Variants in EFCAB13 observed in about 807,000 individuals in gnomAD.
EFCAB13 encodes the protein EF-hand calcium binding domain 13, also known as EF-hand calcium-binding domain-containing protein 13.
EFCAB13 carries 91 observed loss-of-function variants against 110.2 expected under a neutral mutation model. The observed-to-expected ratio is 0.83, with a 90% confidence interval of 0.70 to 0.98. The LOEUF is 0.98. EFCAB13 is among the 50% of genes least tolerant of loss of function. EFCAB13 has a pLI of 0.00. For missense variants in EFCAB13, 968 were observed against 1,119.4 expected, an observed-to-expected ratio of 0.86 and a Z score of 1.93; for synonymous variants, 323 against 369.9, an observed-to-expected ratio of 0.87 and a Z score of 1.45.
chr17:47,398,792 A>G (rs1360243298), intron 17 of EFCAB13, among the ~76,000 whole-genome samples: 2 of 151,616 alleles, frequency 1.3e-5, no homozygotes, highest in African/African-American at 4.8e-5. Context: ...TGCCTCCACT[A>G]TTGTCCTATG....
intron 5 of EFCAB13, among the ~76,000 whole-genome samples, chr17:47,337,993 T>C (rs1013975333): frequency 9.2e-5 from 14 of 152,246 alleles, no homozygotes; most frequent in Admixed American, 2.0e-4. Context: ...CTCATTTTAA[T>C]GCCTCTTTGG....
At chr17:47,346,256 A>T (rs75111078) in intron 8 of EFCAB13, among the ~76,000 whole-genome samples, 4,840 of 152,150 alleles carry the variant, frequency 0.032, 272 homozygotes, top group African/African-American at 0.11. Flanking sequence ...TTGTTCCATA[A>T]GTTTGACTAT....
rs1475497352 is a variant in EFCAB13 at position 47,374,659 on chromosome 17, T to C, written c.1065T>C (p.Leu355=). The C allele has an allele frequency of 6.2e-7, 1 of 1,610,222 alleles. No homozygotes were observed. The highest frequency in any genetic ancestry group is 8.5e-7 in the Non-Finnish European group (1 of 1,179,128). The change falls in exon 12 of 25, where the codon CTT becomes CTC. Residue 355 remains leucine, a synonymous_variant. Coordinates refer to ENST00000331493, the MANE Select transcript of EFCAB13 (RefSeq NM_152347.5). ...YYSKIMENDD[L]ESKRPKNTWQ... ...GCAAAATTATGGAGAATGATGACCTTGAATCTAAAAGACCAAAAAATACTT... is the reference window on the plus strand; with the variant it reads ...GCAAAATTATGGAGAATGATGACCTCGAATCTAAAAGACCAAAAAATACTT...
intron 9 of EFCAB13, among the ~76,000 whole-genome samples, chr17:47,349,770 T>C (rs1201451803): frequency 6.6e-5 from 9 of 137,074 alleles, no homozygotes; most frequent in Non-Finnish European, 1.1e-4. Flanking sequence ...TTTTTTTTTT[T>C]TTTTTTTTTT....
chr17:47,434,725 C>A (rs1905181462), intron 24 of EFCAB13, among the ~76,000 whole-genome samples: 1 of 151,994 alleles, frequency 6.6e-6, no homozygotes, highest in African/African-American at 2.4e-5. Context: ...AATAGAGAAC[C>A]CAGAATTAAA....
intron 17 of EFCAB13, among the ~76,000 whole-genome samples, chr17:47,400,537 A>G (rs146339794): frequency 3.3e-4 from 50 of 152,216 alleles, no homozygotes; most frequent in African/African-American, 1.2e-3. Flanking sequence ...TGTTAGTGTT[A>G]TCAGTACCTG....
chr17:47,407,238 C>T (rs1285719615), intron 20 of EFCAB13, among the ~76,000 whole-genome samples: 1 of 152,150 alleles, frequency 6.6e-6, no homozygotes, highest in Non-Finnish European at 1.5e-5. Context: ...TAGCTCACCT[C>T]AAACCCAGAC....
chr17:47,380,271 C>T (rs558922624), intron 14 of EFCAB13, among the ~76,000 whole-genome samples: 9 of 152,138 alleles, frequency 5.9e-5, no homozygotes, highest in African/African-American at 2.2e-4. Flanking sequence ...TGATGTTCCC[C>T]TCCCTGTGTC....
At chr17:47,350,292 A>G (rs2143284583) in intron 9 of EFCAB13, among the ~76,000 whole-genome samples, 1 of 152,322 alleles carries the variant, frequency 6.6e-6, no homozygotes, top group East Asian at 1.9e-4. Flanking sequence ...TACTGCCCCA[A>G]TATTCAAACA....
At chr17:47,360,369 A>G (rs1272885597) in intron 9 of EFCAB13, among the ~76,000 whole-genome samples, 1 of 152,002 alleles carries the variant, frequency 6.6e-6, no homozygotes, top group Non-Finnish European at 1.5e-5. Context: ...CATTTCTCTG[A>G]TGGCCAGTGA....
intron 22 of EFCAB13, among the ~76,000 whole-genome samples, chr17:47,414,538 C>T (rs1473203550): frequency 1.3e-5 from 2 of 149,986 alleles, no homozygotes; most frequent in South Asian, 4.2e-4. Context: ...AATAGGCATG[C>T]GAAGAGTATG....
intron 14 of EFCAB13, among the ~76,000 whole-genome samples, chr17:47,385,281 A>C (rs1346190870): frequency 6.6e-6 from 1 of 152,052 alleles, no homozygotes; most frequent in Non-Finnish European, 1.5e-5. Context: ...CAGGGACCCT[A>C]ATCAATCGTA....
chr17:47,403,753 G>GA (rs1352386017), intron 18 of EFCAB13, 125 bp from the exon 19 acceptor site: 7 of 780,754 alleles, frequency 9.0e-6, no homozygotes, highest in African/African-American at 7.2e-5. Context: ...TATGAGGGGA[G>GA]AATTTCTCTC....
At chr17:47,412,585 G>A (rs1038022774) in intron 21 of EFCAB13, among the ~76,000 whole-genome samples, 188 bp from the exon 22 acceptor site, 3 of 152,276 alleles carry the variant, frequency 2.0e-5, no homozygotes, top group African/African-American at 7.2e-5. Flanking sequence ...TTGCCATAAT[G>A]TTTTTTAGTT....
At chr17:47,390,804 G>A (rs1441962686) in intron 14 of EFCAB13, among the ~76,000 whole-genome samples, 1 of 152,046 alleles carries the variant, frequency 6.6e-6, no homozygotes, top group Non-Finnish European at 1.5e-5. Flanking sequence ...ATAATATTTT[G>A]TTCCTATGTA....
intron 5 of EFCAB13, among the ~76,000 whole-genome samples, chr17:47,339,559 T>G (rs773454088): frequency 1.2e-4 from 18 of 152,226 alleles, no homozygotes; most frequent in Admixed American, 9.2e-4. Flanking sequence ...CGCCAGCCAC[T>G]TACCTCCTAC....
In EFCAB13 at chr17:47,374,554, G is replaced by A; in HGVS notation, c.960G>A (p.Lys320=). 3 of 1,588,470 alleles carry A rather than the reference G, an allele frequency of 1.9e-6. No individual in the cohort carries two copies. Among genetic ancestry groups the A allele is most frequent in the Non-Finnish European group, 2.6e-6 (3 of 1,173,272 alleles). ...SSVAGCYLKY[K]KKNSLSSKLP... is the part of the protein sequence containing the mutation. ...TAGCAGGATGCTATCTAAAATATAAGAAGAAAAATAGTTTGTCTTCCAAAC... is the reference window on the plus strand; with the variant it reads ...TAGCAGGATGCTATCTAAAATATAAAAAGAAAAATAGTTTGTCTTCCAAAC... Residue 320 remains lysine (K), a synonymous_variant, in exon 12 of 25, where the codon AAG becomes AAA. Transcript: ENST00000331493.
intron 14 of EFCAB13, 34 bp from the exon 15 acceptor site, chr17:47,391,403 T>G: frequency 6.9e-7 from 1 of 1,458,518 alleles, no homozygotes; most frequent in Non-Finnish European, 9.0e-7. Flanking sequence ...TTGACTTATA[T>G]TTAATACTTA....
At chr17:47,361,766 A>T (rs1245890743) in intron 10 of EFCAB13, among the ~76,000 whole-genome samples, 1 of 152,172 alleles carries the variant, frequency 6.6e-6, no homozygotes, top group Non-Finnish European at 1.5e-5. Flanking sequence ...AATTTTAAAA[A>T]ATTCAGCCTT....
Sources: gnomAD v4.1 joint callset for allele counts (sites outside exome capture counted in the v4.1 genomes callset) on GRCh38, gnomAD v4.1.1 for gene constraint, MANE v1.5 for transcripts, NCBI Gene and HGNC (gene_info 2026-07-23, HGNC 2026-07-21) for gene names.